SLC9A9: variants seen among roughly 807,000 people sequenced by gnomAD.
The protein encoded by SLC9A9 is sodium/hydrogen exchanger 9.
Under a neutral mutation model 77.8 loss-of-function variants are expected in SLC9A9, and 62 were observed. The observed-to-expected ratio is 0.80, with a 90% confidence interval of 0.65 to 0.98. SLC9A9 has a LOEUF of 0.98. Ranked by LOEUF, SLC9A9 falls within the 50% of genes least tolerant of loss-of-function variation. The pLI, the probability that SLC9A9 is intolerant of heterozygous loss-of-function variation, is 0.00. For synonymous variants in SLC9A9, 320 were observed against 283.5 expected, an observed-to-expected ratio of 1.13 and a Z score of -1.29; for missense variants, 775 against 774.9, an observed-to-expected ratio of 1.00 and a Z score of 0.00.
intron 11 of SLC9A9, among the ~76,000 whole-genome samples, chr3:143,478,096 C>T (rs1210152737): frequency 6.6e-6 from 1 of 152,182 alleles, no homozygotes; most frequent in Admixed American, 6.5e-5. Flanking sequence ...TTTTGACTCT[C>T]CAGTGGAAAC....
chr3:143,353,441 T>C (rs759877259), intron 14 of SLC9A9, among the ~76,000 whole-genome samples: 8 of 152,168 alleles, frequency 5.3e-5, no homozygotes, highest in Admixed American at 5.2e-4. Context: ...TTCCACCACA[T>C]GAGGATAGAG....
chr3:143,489,560 A>G (rs2035705930), intron 11 of SLC9A9, among the ~76,000 whole-genome samples: 1 of 152,018 alleles, frequency 6.6e-6, no homozygotes, highest in Non-Finnish European at 1.5e-5. Flanking sequence ...AAGGCCTAAA[A>G]CTATAAAACT....
chr3:143,661,969 T>C (rs1421340039), intron 5 of SLC9A9, among the ~76,000 whole-genome samples: 1 of 152,214 alleles, frequency 6.6e-6, no homozygotes, highest in Admixed American at 6.5e-5. Context: ...TCAGCAACTC[T>C]GCTGCTCTTG....
At chr3:143,316,550 C>A (rs2031218786) in intron 14 of SLC9A9, among the ~76,000 whole-genome samples, 1 of 152,080 alleles carries the variant, frequency 6.6e-6, no homozygotes, top group East Asian at 1.9e-4. Flanking sequence ...AGTGAATTGC[C>A]TTGGGGATAT....
At chr3:143,431,768 C>A (rs1195925722) in intron 12 of SLC9A9, among the ~76,000 whole-genome samples, 2 of 152,024 alleles carry the variant, frequency 1.3e-5, no homozygotes, top group African/African-American at 4.8e-5. Flanking sequence ...GCTTATAAGG[C>A]CCTGTATGAT....
chr3:143,592,195 G>C (rs1346938574), intron 6 of SLC9A9, among the ~76,000 whole-genome samples: 1 of 152,208 alleles, frequency 6.6e-6, no homozygotes, highest in Admixed American at 6.5e-5. Context: ...TGAGACAAGA[G>C]GAAGAATTGA....
chr3:143,525,412 T>C (rs1321873240), intron 9 of SLC9A9, among the ~76,000 whole-genome samples: 2 of 152,170 alleles, frequency 1.3e-5, no homozygotes, highest in Non-Finnish European at 2.9e-5. Flanking sequence ...AAGTGACATA[T>C]TCAAGATCAC....
rs1374387525 is a variant in SLC9A9 at position 143,633,947 on chromosome 3, TTA to T, written c.755+18306_755+18307del. ...ATAGCCCATTGCCCCACACTATCTA[TTA>T]AAACACCCAAACTGTTGCCTTTATA... On this transcript the variant is annotated intron_variant, in intron 6 of 15. Coordinates refer to ENST00000316549, the MANE Select transcript of SLC9A9 (RefSeq NM_173653.4). Among the ~76,000 whole-genome samples, 54 of 152,340 alleles carry T rather than the reference TTA, an allele frequency of 3.5e-4. No individual in the cohort carries two copies. In the East Asian group the frequency reaches 8.7e-3, roughly 24 times the overall value.
intron 2 of SLC9A9, among the ~76,000 whole-genome samples, chr3:143,806,612 C>A (rs996797465): frequency 6.6e-6 from 1 of 151,676 alleles, no homozygotes; most frequent in African/African-American, 2.4e-5. Flanking sequence ...TTTTAAAAAG[C>A]CAAAAGACAA....
intron 9 of SLC9A9, among the ~76,000 whole-genome samples, chr3:143,520,679 G>T (rs1373539791): frequency 6.6e-6 from 1 of 152,166 alleles, no homozygotes; most frequent in Non-Finnish European, 1.5e-5. Context: ...CCAAAGAGGT[G>T]CAGTGACTTT....
At chr3:143,781,392 G>A (rs185848903) in intron 4 of SLC9A9, among the ~76,000 whole-genome samples, 2 of 151,826 alleles carry the variant, frequency 1.3e-5, no homozygotes, top group Non-Finnish European at 2.9e-5. Flanking sequence ...TGAACTCAAC[G>A]CATGTAAAGG....
intron 12 of SLC9A9, among the ~76,000 whole-genome samples, chr3:143,449,844 T>TTC (rs1381998254): frequency 7.5e-5 from 2 of 26,830 alleles, no homozygotes; most frequent in African/African-American, 6.7e-4. Flanking sequence ...ATATGTATTA[T>TTC]ATATATATAA....
intron 9 of SLC9A9, among the ~76,000 whole-genome samples, chr3:143,533,622 A>C (rs879365871): frequency 1.3e-5 from 2 of 152,278 alleles, no homozygotes; most frequent in East Asian, 1.9e-4. Flanking sequence ...CCATAAAAAA[A>C]CCCTACATCT....
chr3:143,778,011 C>G (rs2007750841), intron 4 of SLC9A9, among the ~76,000 whole-genome samples: 1 of 110,796 alleles, frequency 9.0e-6, no homozygotes, highest in South Asian at 3.1e-4. Context: ...CCACGCCCGG[C>G]CCGTCACTGA....
At chr3:143,338,003 G>A (rs1337080670) in intron 14 of SLC9A9, among the ~76,000 whole-genome samples, 1 of 152,188 alleles carries the variant, frequency 6.6e-6, no homozygotes, top group Non-Finnish European at 1.5e-5. Context: ...TGCTAATTAA[G>A]TGACTTTTGT....
At chr3:143,490,791 T>G (rs1431142647) in intron 11 of SLC9A9, among the ~76,000 whole-genome samples, 5 of 152,162 alleles carry the variant, frequency 3.3e-5, no homozygotes, top group African/African-American at 1.2e-4. Context: ...AGGTGTAAAG[T>G]GACTTTTGAG....
intron 9 of SLC9A9, among the ~76,000 whole-genome samples, chr3:143,547,470 A>G (rs1220628533): frequency 1.3e-5 from 2 of 152,200 alleles, no homozygotes; most frequent in African/African-American, 2.4e-5. Flanking sequence ...TCCCTAGCTA[A>G]TACCGGATAC....
intron 6 of SLC9A9, among the ~76,000 whole-genome samples, chr3:143,597,354 CA>C (rs2037772579): frequency 6.6e-6 from 1 of 152,146 alleles, no homozygotes; most frequent in African/African-American, 2.4e-5. Flanking sequence ...AAGAGAGAGC[CA>C]AAGCTGTCCT....
chr3:143,665,623 G>C (rs1173807384), intron 5 of SLC9A9, among the ~76,000 whole-genome samples: 1 of 151,780 alleles, frequency 6.6e-6, no homozygotes, highest in Non-Finnish European at 1.5e-5. Flanking sequence ...GAATCAAATA[G>C]ACACAATAAA....
Sources: allele counts gnomAD v4.1 joint callset (sites outside exome capture counted in the v4.1 genomes callset), GRCh38; gene constraint gnomAD v4.1.1; transcripts MANE v1.5; gene names NCBI Gene and HGNC (gene_info 2026-07-23, HGNC 2026-07-21).